The following NXPE2 variants were observed in gnomAD, a reference collection of about 807,000 sequenced individuals.
The protein encoded by NXPE2 is neurexophilin and PC-esterase domain family member 2, also known as NXPE family member 2.
Under a neutral mutation model 34.4 loss-of-function variants are expected in NXPE2, and 34 were observed. The ratio of observed to expected loss-of-function variants is 0.99; its 90% confidence interval spans 0.75 to 1.31. The LOEUF is 1.31. Among genes scored for constraint, NXPE2 ranks in the 40% most tolerant of loss-of-function variants. The pLI is 0.00. For synonymous variants in NXPE2, 235 were observed against 231.3 expected (o/e 1.02, Z -0.15); for missense variants, 649 against 672.5 (o/e 0.97, Z 0.39).
At chr11:114,647,000 A>G in the NXPE2 span, among the ~76,000 whole-genome samples, 1 of 152,210 alleles carries the variant, frequency 6.6e-6, no homozygotes, top group Non-Finnish European at 1.5e-5. Context: ...GAGAAGAGAC[A>G]CTGACGGCAC....
the NXPE2 span, among the ~76,000 whole-genome samples, chr11:114,651,327 G>A: frequency 8.7e-3 from 1,322 of 151,714 alleles, 19 homozygotes; most frequent in African/African-American, 0.031. Context: ...CCTTGTTACA[G>A]CTCGTTAAGG....
chr11:114,639,028 G>T, the NXPE2 span, among the ~76,000 whole-genome samples: 2 of 152,052 alleles, frequency 1.3e-5, no homozygotes, highest in East Asian at 3.9e-4. Flanking sequence ...GTTTGCAGAG[G>T]TTACTGCTGT....
At chr11:114,746,291 C>T in the NXPE2 span, among the ~76,000 whole-genome samples, 3 of 152,088 alleles carry the variant, frequency 2.0e-5, no homozygotes, top group East Asian at 5.8e-4. Flanking sequence ...TATCATGGTA[C>T]TATCTTTATT....
At chr11:114,482,122 C>T in the NXPE2 span, among the ~76,000 whole-genome samples, 1 of 152,048 alleles carries the variant, frequency 6.6e-6, no homozygotes, top group Non-Finnish European at 1.5e-5. Context: ...TATTGAGTGC[C>T]TGTACCGTGT....
chr11:114,577,064 TATATATAAAGTTATATATATAC>T, the NXPE2 span, among the ~76,000 whole-genome samples: 49 of 128,640 alleles, frequency 3.8e-4, no homozygotes, highest in African/African-American at 1.4e-3. Context: ...TATACATATA[TATATATAAAGTTATATATATAC>T]ATATATATAT....
At chr11:114,663,868 A>G in the NXPE2 span, among the ~76,000 whole-genome samples, 2 of 152,162 alleles carry the variant, frequency 1.3e-5, no homozygotes, top group Middle Eastern at 3.2e-3. Context: ...ATAATCTGTC[A>G]TTAGGGAAAT....
chr11:114,543,383 A>G, the NXPE2 span, among the ~76,000 whole-genome samples: 1 of 150,306 alleles, frequency 6.7e-6, no homozygotes, highest in East Asian at 1.9e-4. Flanking sequence ...TATATATATT[A>G]TATATTAGCT....
the NXPE2 span, among the ~76,000 whole-genome samples, chr11:114,805,625 G>GCA: frequency 6.6e-6 from 1 of 152,226 alleles, no homozygotes; most frequent in Non-Finnish European, 1.5e-5. Flanking sequence ...CTGCAAGGTG[G>GCA]CAGCGAGGTT....
At chr11:114,574,978 A>G in the NXPE2 span, among the ~76,000 whole-genome samples, 1 of 152,258 alleles carries the variant, frequency 6.6e-6, no homozygotes, top group Non-Finnish European at 1.5e-5. Flanking sequence ...ATGGCATATC[A>G]AAAAGATAAT....
chr11:114,767,357 T>C, the NXPE2 span, among the ~76,000 whole-genome samples: 2 of 152,188 alleles, frequency 1.3e-5, no homozygotes, highest in Non-Finnish European at 2.9e-5. Flanking sequence ...TTCCATTGGC[T>C]CAAGATCATA....
chr11:114,749,500 C>G, the NXPE2 span, among the ~76,000 whole-genome samples: 1 of 152,118 alleles, frequency 6.6e-6, no homozygotes, highest in South Asian at 2.1e-4. Context: ...GTACAGTTGG[C>G]CTCCCATATC....
At chr11:114,781,245 T>C in the NXPE2 span, among the ~76,000 whole-genome samples, 1 of 152,144 alleles carries the variant, frequency 6.6e-6, no homozygotes, top group Admixed American at 6.5e-5. Flanking sequence ...TCTCTACTCA[T>C]CTGCAGCTTC....
chr11:114,809,026 A>T, the NXPE2 span, among the ~76,000 whole-genome samples: 2 of 152,204 alleles, frequency 1.3e-5, no homozygotes, highest in Non-Finnish European at 2.9e-5. Flanking sequence ...CTGGGATGCA[A>T]GGCTGGTTCA....
chr11:114,712,690 T>C, the NXPE2 span, among the ~76,000 whole-genome samples: 1 of 152,174 alleles, frequency 6.6e-6, no homozygotes, highest in African/African-American at 2.4e-5. Flanking sequence ...AGTGCAACCA[T>C]ACATACCGAA....
chr11:114,776,139 A>T, the NXPE2 span, among the ~76,000 whole-genome samples: 4 of 152,222 alleles, frequency 2.6e-5, no homozygotes, highest in Non-Finnish European at 5.9e-5. Context: ...GTGTCTGCAG[A>T]GGCCTGGGGA....
the NXPE2 span, among the ~76,000 whole-genome samples, chr11:114,496,394 A>G: frequency 6.6e-6 from 1 of 152,246 alleles, no homozygotes; most frequent in East Asian, 1.9e-4. Context: ...AAGGGGTGGC[A>G]TAGGCAATTC....
the NXPE2 span, among the ~76,000 whole-genome samples, chr11:114,736,190 T>C: frequency 6.6e-6 from 1 of 152,218 alleles, no homozygotes; most frequent in African/African-American, 2.4e-5. Context: ...ACCATTGTAA[T>C]TGATAACATC....
chr11:114,700,008 G>T (rs1829281), intron 3 of NXPE2, among the ~76,000 whole-genome samples: 76,401 of 151,794 alleles, frequency 0.5, 19,414 homozygotes, highest in African/African-American at 0.57. Context: ...GGGCCAGGCT[G>T]GTCTTGAACT....
At chr11:114,808,944 G>A in the NXPE2 span, among the ~76,000 whole-genome samples, 2 of 152,064 alleles carry the variant, frequency 1.3e-5, no homozygotes, top group East Asian at 3.9e-4. Context: ...AAAATCCTCA[G>A]TAAAACACCG....
Sources: gnomAD v4.1 joint callset for allele counts (sites outside exome capture counted in the v4.1 genomes callset) on GRCh38, gnomAD v4.1.1 for gene constraint, MANE v1.5 for transcripts, NCBI Gene and HGNC (gene_info 2026-07-23, HGNC 2026-07-21) for gene names.